Variants in HPSE observed in about 807,000 individuals in gnomAD.
HPSE encodes the protein endo-glucoronidase.
A neutral mutation model predicts 65.1 loss-of-function variants in HPSE; 48 were observed. That is an observed-to-expected ratio of 0.74 (90% confidence interval 0.58 to 0.94). The LOEUF is 0.94. Among genes scored for constraint, HPSE ranks in the 40% least tolerant of loss-of-function variants. HPSE has a pLI of 0.00. For synonymous variants in HPSE, 243 were observed against 260.0 expected, an observed-to-expected ratio of 0.93 and a Z score of 0.63; for missense variants, 644 against 637.5, an observed-to-expected ratio of 1.01 and a Z score of -0.11.
At chr4:83,318,448 A>G (rs762713493) in intron 3 of HPSE, among the ~76,000 whole-genome samples, 1 of 152,176 alleles carries the variant, frequency 6.6e-6, no homozygotes, top group African/African-American at 2.4e-5. Flanking sequence ...CCTGGCCAAC[A>G]TGGTGAAACC....
At chr4:83,330,944 C>T (rs954599799) in intron 1 of HPSE, among the ~76,000 whole-genome samples, 1 of 152,196 alleles carries the variant, frequency 6.6e-6, no homozygotes, top group African/African-American at 2.4e-5. Flanking sequence ...GTGGCTCACG[C>T]CTGTAATCCC....
chr4:83,323,830 G>T (rs1737022798), intron 1 of HPSE, among the ~76,000 whole-genome samples: 1 of 152,100 alleles, frequency 6.6e-6, no homozygotes, highest in South Asian at 2.1e-4. Flanking sequence ...AATGGAATTA[G>T]AATGATCTAT....
intron 1 of HPSE, among the ~76,000 whole-genome samples, chr4:83,328,130 G>T (rs925505966): frequency 6.6e-6 from 1 of 152,218 alleles, no homozygotes; most frequent in African/African-American, 2.4e-5. Flanking sequence ...GTATTAGTTT[G>T]TTAGGGCTGC....
chr4:83,296,121 A>G (rs1735713252), intron 11 of HPSE, among the ~76,000 whole-genome samples: 2 of 152,230 alleles, frequency 1.3e-5, no homozygotes, highest in Admixed American at 1.3e-4. Context: ...GTATTTCACT[A>G]TTGGAATTCA....
intron 11 of HPSE, among the ~76,000 whole-genome samples, chr4:83,300,694 A>T (rs1337777669): frequency 1.4e-5 from 1 of 72,040 alleles, no homozygotes; most frequent in Admixed American, 1.7e-4. Context: ...GGGCGCCTGT[A>T]GTCCCAGCTA....
At chr4:83,314,170 T>C (rs2126190148) in intron 3 of HPSE, among the ~76,000 whole-genome samples, 1 of 150,142 alleles carries the variant, frequency 6.7e-6, no homozygotes, top group East Asian at 2.0e-4. Flanking sequence ...GGTGGGAGGA[T>C]CACCTGAGCC....
At chr4:83,313,998 A>G (rs1373443024) in intron 3 of HPSE, among the ~76,000 whole-genome samples, 4 of 152,218 alleles carry the variant, frequency 2.6e-5, no homozygotes, top group Non-Finnish European at 5.9e-5. Flanking sequence ...CATGCCTGTC[A>G]TCCTAGCACT....
chr4:83,297,809 G>T (rs2126181574), intron 11 of HPSE, among the ~76,000 whole-genome samples: 1 of 152,304 alleles, frequency 6.6e-6, no homozygotes, highest in Admixed American at 6.5e-5. Context: ...GAAATGCCAT[G>T]ACCATCATCA....
At chr4:83,305,977 A>C (rs1299905026) in intron 9 of HPSE, among the ~76,000 whole-genome samples, 1 of 152,204 alleles carries the variant, frequency 6.6e-6, no homozygotes, top group African/African-American at 2.4e-5. Flanking sequence ...TCCACACTAT[A>C]CTGCAAATGG....
chr4:83,334,808 C>A lies in HPSE; in HGVS notation c.-26G>T, dbSNP rs772630458. The A allele has an allele frequency of 1.4e-5, 21 of 1,486,324 alleles. No individual in the cohort carries two copies. In the South Asian group the frequency reaches 2.1e-4, roughly 15 times the overall value. The allele number at this position is 1,486,324 out of a possible 1,614,324, so 92.1% of individuals were successfully genotyped here. ...CTTGGGCTCACCTGGCTGCTCCCCC[C>A]GCCAGCTGCCGCGCAGCGGAGAGTC... On this transcript the variant is annotated 5_prime_UTR_variant, in exon 1 of 12. Coordinates refer to ENST00000311412, the MANE Select transcript of HPSE (RefSeq NM_001098540.3).
chr4:83,322,128 G>T, intron 2 of HPSE, 91 bp downstream of exon 2: 2 of 1,035,466 alleles, frequency 1.9e-6, no homozygotes, highest in South Asian at 1.5e-5. Flanking sequence ...CTCATTAATT[G>T]TTAGGTGTGA....
rs758007933 is a variant in HPSE at position 83,319,433 on chromosome 4, T to C, written c.410A>G (p.Glu137Gly). The C allele has an allele frequency of 1.6e-5, 26 of 1,613,800 alleles. No homozygotes were observed. The highest frequency in any genetic ancestry group is 2.1e-5 in the Non-Finnish European group (25 of 1,179,836). ...CKYGSIPPDVEEKLRLEWPYQ... is the reference protein window; with the variant it reads ...CKYGSIPPDVGEKLRLEWPYQ... ...GGGCCATTCCAACCGTAACTTCTCC[T>C]CCACATCAGGAGGGATGGATCCATA... Residue 137 changes from glutamate to glycine, a missense_variant, in exon 3 of 12, where the codon GAG becomes GGG. By Grantham distance (98) the Glu-to-Gly change is moderately conservative (BLOSUM62 -2). Transcript: ENST00000311412.
At chr4:83,306,706 G>A (rs1736159374) in intron 8 of HPSE, among the ~76,000 whole-genome samples, 1 of 152,142 alleles carries the variant, frequency 6.6e-6, no homozygotes, top group Non-Finnish European at 1.5e-5. Context: ...TCAGTTCATG[G>A]TTTGACTCTG....
At chr4:83,329,735 T>C (rs1023661038) in intron 1 of HPSE, among the ~76,000 whole-genome samples, 11 of 152,080 alleles carry the variant, frequency 7.2e-5, no homozygotes, top group African/African-American at 2.7e-4. Context: ...CATTATCTGT[T>C]ATAAAAAAAT....
chr4:83,295,402 G>A lies in HPSE; in HGVS notation c.1574C>T (p.Pro525Leu). Residue 525 changes from proline (P) to leucine (L), a missense_variant, in exon 12 of 12, where the codon CCA becomes CTA. Pro to Leu is a moderately conservative substitution (Grantham distance 98). Transcript: ENST00000311412. ...CACAAAAAAACTATATGAGAAAGCT[G>A]GCAAGCCCAGTGAACTTCCTGGCCG... is the stretch of plus-strand genomic sequence containing the variant. ...PLRPGSSLGL[P>L]AFSYSFFVIR... is the part of the protein sequence containing the mutation. 6.2e-7 allele frequency: 1 copy of A among 1,612,998 alleles called. No individual in the cohort carries two copies. Among genetic ancestry groups the A allele is most frequent in the Non-Finnish European group, 8.5e-7 (1 of 1,179,382 alleles).
intron 9 of HPSE, among the ~76,000 whole-genome samples, chr4:83,305,686 C>G (rs1449013706): frequency 1.3e-5 from 2 of 152,162 alleles, no homozygotes; most frequent in African/African-American, 2.4e-5. Context: ...GCACCAGATA[C>G]AGTTGGAGGA....
chr4:83,298,214 T>C (rs555717927), intron 11 of HPSE, among the ~76,000 whole-genome samples: 2 of 152,304 alleles, frequency 1.3e-5, no homozygotes, highest in South Asian at 2.1e-4. Flanking sequence ...GACAAAGAAA[T>C]AGAAGATGTT....
In HPSE at chr4:83,334,797, G is replaced by A; in HGVS notation, c.-15C>T. The A allele has an allele frequency of 6.6e-7, 1 of 1,505,924 alleles. No homozygotes were observed. Among genetic ancestry groups the A allele is most frequent in the Non-Finnish European group, 8.9e-7 (1 of 1,126,294 alleles). 93.3% of individuals were successfully genotyped at this position (1,505,924 alleles called of 1,614,324 possible). ...CGCAGCAGCATCTTGGGCTCACCTG[G>A]CTGCTCCCCCCGCCAGCTGCCGCGC... On this transcript the variant is annotated 5_prime_UTR_variant, in exon 1 of 12. Transcript: ENST00000311412.
intron 6 of HPSE, 21 bp from the exon 7 acceptor site, chr4:83,309,516 T>G: frequency 7.8e-7 from 1 of 1,276,410 alleles, no homozygotes; most frequent in Non-Finnish European, 1.1e-6. Context: ...CAGAAAATAT[T>G]CAGAAAAAAA....
Sources: gnomAD v4.1 joint callset for allele counts (sites outside exome capture counted in the v4.1 genomes callset) on GRCh38, gnomAD v4.1.1 for gene constraint, MANE v1.5 for transcripts, NCBI Gene and HGNC (gene_info 2026-07-23, HGNC 2026-07-21) for gene names.